Variants in ZNF804A observed in about 807,000 individuals in gnomAD.
ZNF804A encodes the protein zinc finger protein 804A.
ZNF804A carries 2 observed loss-of-function variants against 16.5 expected under a neutral mutation model. The observed-to-expected ratio is 0.12, with a 90% CI of 0.05 to 0.38. ZNF804A has a LOEUF of 0.38. Ranked by LOEUF, ZNF804A falls within the 10% of genes least tolerant of loss-of-function variation. The pLI, the probability that ZNF804A is intolerant of heterozygous loss-of-function variation, is 0.99. For missense variants in ZNF804A, 1,473 were observed against 1,390.7 expected (o/e 1.06, Z -0.94); for synonymous variants, 534 against 489.6 (o/e 1.09, Z -1.20).
chr2:184,622,480 A>G (rs1445375174), intron 1 of ZNF804A, among the ~76,000 whole-genome samples: 1 of 151,806 alleles, frequency 6.6e-6, no homozygotes, highest in Admixed American at 6.6e-5. Flanking sequence ...TTTGCATTAG[A>G]TATTAATATA....
chr2:184,926,776 A>G (rs931234999), intron 2 of ZNF804A, among the ~76,000 whole-genome samples: 3 of 152,166 alleles, frequency 2.0e-5, no homozygotes, highest in Non-Finnish European at 4.4e-5. Context: ...CTTCTGATAG[A>G]TCAATTGTTT....
At chr2:184,744,653 A>G (rs913116664) in intron 1 of ZNF804A, among the ~76,000 whole-genome samples, 1 of 151,960 alleles carries the variant, frequency 6.6e-6, no homozygotes, top group Non-Finnish European at 1.5e-5. Context: ...GTGTTTTGTT[A>G]TAGCAAACCA....
chr2:184,881,269 G>A (rs1387089484), intron 2 of ZNF804A, among the ~76,000 whole-genome samples: 1 of 152,092 alleles, frequency 6.6e-6, no homozygotes, highest in Admixed American at 6.6e-5. Context: ...ATGTGATTAT[G>A]TGAAGAAACC....
chr2:184,863,730 T>C (rs957744514), intron 1 of ZNF804A, among the ~76,000 whole-genome samples: 13 of 152,188 alleles, frequency 8.5e-5, no homozygotes, highest in Non-Finnish European at 1.2e-4. Context: ...TATTTTCATT[T>C]CCTCTATTGA....
intron 1 of ZNF804A, among the ~76,000 whole-genome samples, chr2:184,864,312 G>C (rs1695842610): frequency 6.6e-6 from 1 of 152,092 alleles, no homozygotes; most frequent in Admixed American, 6.6e-5. Context: ...AATTAATATA[G>C]TAAGAACTTA....
At chr2:184,635,675 A>C (rs531382512) in intron 1 of ZNF804A, among the ~76,000 whole-genome samples, 2 of 152,124 alleles carry the variant, frequency 1.3e-5, no homozygotes, top group Non-Finnish European at 2.9e-5. Flanking sequence ...TCCTGTTCTT[A>C]TTAAAATGTC....
At chr2:184,757,633 G>A (rs543622943) in intron 1 of ZNF804A, among the ~76,000 whole-genome samples, 29 of 152,004 alleles carry the variant, frequency 1.9e-4, no homozygotes, top group Middle Eastern at 3.4e-3. Context: ...TTTGAAAGTT[G>A]TTTTGTTTGT....
Position 184,938,703 on chromosome 2 carries a change from T to TTGCAGCAGCACGC in ZNF804A, c.3314_3326dup (p.Ala1111ArgfsTer17). On this transcript the variant is annotated frameshift_variant, in exon 4 of 4. Transcript: ENST00000302277. LOFTEE classifies it low-confidence loss of function (END_TRUNC). ...TGTAACCACTATCCATCACACTGTT[T>TTGCAGCAGCACGC]TGCAGCAGCACGCTGCAGCTGCTGC... The TTGCAGCAGCACGC allele has an allele frequency of 1.2e-6, 2 of 1,613,596 alleles. No homozygotes were observed. The highest frequency in any genetic ancestry group is 2.2e-5 in the East Asian group (1 of 44,804).
At chr2:184,932,553 C>A (rs1024861352) in intron 2 of ZNF804A, among the ~76,000 whole-genome samples, 1 of 152,102 alleles carries the variant, frequency 6.6e-6, no homozygotes, top group African/African-American at 2.4e-5. Flanking sequence ...CTGGGTACTT[C>A]GCACCACACG....
chr2:184,787,114 C>A (rs1342267523), intron 1 of ZNF804A, among the ~76,000 whole-genome samples: 2 of 151,902 alleles, frequency 1.3e-5, no homozygotes, highest in Non-Finnish European at 2.9e-5. Context: ...ACCTCTCTTA[C>A]TGTATTCTCT....
chr2:184,846,011 G>A (rs888572576), intron 1 of ZNF804A, among the ~76,000 whole-genome samples: 3 of 152,070 alleles, frequency 2.0e-5, no homozygotes, highest in Non-Finnish European at 4.4e-5. Context: ...CATGATCTCT[G>A]TTCTCCAATA....
chr2:184,831,364 T>C (rs1038530893), intron 1 of ZNF804A, among the ~76,000 whole-genome samples: 2 of 152,104 alleles, frequency 1.3e-5, no homozygotes, highest in African/African-American at 4.8e-5. Flanking sequence ...AATCACTCTT[T>C]CTCTGAATGA....
chr2:184,935,555 A>G (rs968267300), intron 3 of ZNF804A, among the ~76,000 whole-genome samples: 1 of 152,216 alleles, frequency 6.6e-6, no homozygotes, highest in African/African-American at 2.4e-5. Flanking sequence ...CATAACAGCT[A>G]TAAAAGCAAC....
At chr2:184,834,912 C>A (rs1695319999) in intron 1 of ZNF804A, among the ~76,000 whole-genome samples, 2 of 152,032 alleles carry the variant, frequency 1.3e-5, no homozygotes, top group African/African-American at 4.8e-5. Context: ...TTGAATTATG[C>A]ATATTTTCAT....
intron 1 of ZNF804A, among the ~76,000 whole-genome samples, chr2:184,604,021 C>T (rs1377368644): frequency 6.6e-6 from 1 of 151,894 alleles, no homozygotes; most frequent in Non-Finnish European, 1.5e-5. Context: ...TTCATGATTA[C>T]CACATACTTT....
chr2:184,680,431 C>T (rs1574159671), intron 1 of ZNF804A, among the ~76,000 whole-genome samples: 1 of 152,290 alleles, frequency 6.6e-6, no homozygotes, highest in South Asian at 2.1e-4. Context: ...GATGGGATGA[C>T]CTGCCTGTGG....
chr2:184,722,535 A>G (rs73978075), intron 1 of ZNF804A, among the ~76,000 whole-genome samples: 10,120 of 152,094 alleles, frequency 0.067, 1,158 homozygotes, highest in African/African-American at 0.23. Flanking sequence ...ATTTATAATT[A>G]TTGAAGAAAA....
chr2:184,717,201 C>T (rs945059548), intron 1 of ZNF804A, among the ~76,000 whole-genome samples: 16 of 151,902 alleles, frequency 1.1e-4, no homozygotes, highest in East Asian at 3.8e-4. Context: ...AGTTTTTGTA[C>T]GTCTCTCTCT....
chr2:184,841,736 A>C (rs976596935), intron 1 of ZNF804A, among the ~76,000 whole-genome samples: 3 of 152,162 alleles, frequency 2.0e-5, no homozygotes, highest in Non-Finnish European at 4.4e-5. Flanking sequence ...CTTCATCCTT[A>C]AATGTTTAAT....
Sources: gnomAD v4.1 joint callset for allele counts (sites outside exome capture counted in the v4.1 genomes callset) on GRCh38, gnomAD v4.1.1 for gene constraint, MANE v1.5 for transcripts, NCBI Gene and HGNC (gene_info 2026-07-23, HGNC 2026-07-21) for gene names.